DOCK8: variants seen among roughly 807,000 people sequenced by gnomAD.
DOCK8 encodes the protein dedicator of cytokinesis protein 8.
A neutral mutation model predicts 245.6 loss-of-function variants in DOCK8; 141 were observed. The observed-to-expected ratio is 0.57, with a 90% confidence interval of 0.50 to 0.66. The LOEUF (loss-of-function observed/expected upper bound fraction) is 0.66, where lower values mean the gene tolerates loss of function less well. Among genes scored for constraint, DOCK8 ranks in the 30% least tolerant of loss-of-function variants. The pLI, the probability that DOCK8 is intolerant of heterozygous loss-of-function variation, is 0.00. For synonymous variants in DOCK8, 1,168 were observed against 970.2 expected (o/e 1.20, Z -3.79); for missense variants, 2,965 against 2,603.4 (o/e 1.14, Z -3.02).
At position 400,905 on chromosome 9, in the gene DOCK8, C is replaced by G. The variant is rs1346821667; in HGVS notation, c.3234+1646C>G. Among the ~76,000 whole-genome samples the G allele has an allele frequency of 1.5e-4, 16 of 104,574 alleles. 3 individuals carry two copies. Among genetic ancestry groups the G allele is most frequent in the Middle Eastern group, 5.4e-3 (1 of 186 alleles). 68.6% of individuals were successfully genotyped at this position (104,574 alleles called of 152,430 possible). On this transcript the variant is annotated intron_variant, in intron 26 of 47. Coordinates refer to ENST00000432829, the MANE Select transcript of DOCK8 (RefSeq NM_203447.4). ...TCCACCACCACCACCTCCCCCACTA[C>G]CAACAGCTCCTTCACCATCACCACA...
chr9:311,337 G>A (rs911127257), intron 5 of DOCK8, among the ~76,000 whole-genome samples: 3 of 149,558 alleles, frequency 2.0e-5, no homozygotes, highest in African/African-American at 7.3e-5. Flanking sequence ...ACTCCTGGGC[G>A]GGGTTCAAGC....
Position 420,417 on chromosome 9 carries a change from A to T in DOCK8, c.3857A>T (p.Asn1286Ile). 1 of 1,614,130 alleles carries T rather than the reference A, an allele frequency of 6.2e-7. No homozygotes were observed. The highest frequency in any genetic ancestry group is 8.5e-7 in the Non-Finnish European group (1 of 1,180,026). Residue 1286 changes from asparagine to isoleucine, a missense_variant, in exon 31 of 48, where the codon AAC becomes ATC. Coordinates refer to ENST00000432829, the MANE Select transcript of DOCK8 (RefSeq NM_203447.4). ...VLSSLPYKQY[N>I]MLNADTTRNL... The stretch of plus-strand genomic sequence containing the variant: ...TCCCTTCAGCCCTATAAGCAGTACA[A>T]CATGCTGAACGCGGACACTACTCGC...
intron 26 of DOCK8, among the ~76,000 whole-genome samples, chr9:400,988 T>TTCACCATCACCACCATCACCACCATCA (rs1564017131): frequency 1.0e-5 from 1 of 96,312 alleles, no homozygotes; most frequent in East Asian, 3.4e-4. Context: ...CACCACCTCC[T>TTCACCATCACCACCATCACCACCATCA]CCACCACCAC....
intron 14 of DOCK8, among the ~76,000 whole-genome samples, chr9:340,984 G>A (rs989206146): frequency 1.3e-5 from 2 of 152,136 alleles, no homozygotes; most frequent in African/African-American, 4.8e-5. Context: ...GTTGTCAAAA[G>A]GACAGGTTTT....
chr9:463,772 C>G (rs1200472763), intron 47 of DOCK8, 85 bp downstream of exon 47: 3 of 1,521,682 alleles, frequency 2.0e-6, no homozygotes, highest in Non-Finnish European at 2.7e-6. Flanking sequence ...CTCTGCTGCA[C>G]TTGGGGAGCT....
At chr9:276,965 C>T in intron 2 of DOCK8, 1 of 340,502 alleles carries the variant, frequency 2.9e-6, no homozygotes, top group Non-Finnish European at 6.1e-6. Context: ...CACCATTGCG[C>T]CTGGCTAATT....
intron 40 of DOCK8, among the ~76,000 whole-genome samples, chr9:440,134 T>G (rs2057046369): frequency 6.6e-6 from 1 of 152,138 alleles, no homozygotes; most frequent in African/African-American, 2.4e-5. Flanking sequence ...CTCTCCTGCC[T>G]CAGCCTCATG....
At chr9:255,970 T>C (rs1248497091) in intron 1 of DOCK8, among the ~76,000 whole-genome samples, 1 of 152,190 alleles carries the variant, frequency 6.6e-6, no homozygotes, top group Non-Finnish European at 1.5e-5. Context: ...ATCCTAATAG[T>C]TGTCATCTTG....
intron 28 of DOCK8, among the ~76,000 whole-genome samples, chr9:413,628 T>TA (rs937277727): frequency 1.3e-5 from 2 of 152,204 alleles, no homozygotes; most frequent in African/African-American, 4.8e-5. Flanking sequence ...CCAAAGAAGA[T>TA]ACAGCCATAA....
intron 1 of DOCK8, chr9:215,726 A>C (rs1360617177): frequency 7.2e-6 from 2 of 278,324 alleles, no homozygotes; most frequent in African/African-American, 4.4e-5. Context: ...TCACCATCCA[A>C]TTCCTAATCA....
intron 26 of DOCK8, among the ~76,000 whole-genome samples, chr9:403,935 T>TATATATATATAC (rs2055267374): frequency 1.2e-5 from 1 of 85,510 alleles, no homozygotes; most frequent in African/African-American, 7.4e-5. Context: ...TATATGTGTA[T>TATATATATATAC]ATATATATGT....
chr9:246,816 A>T lies in DOCK8; in HGVS notation c.54-24811A>T, dbSNP rs141530404. ...TTTATTTTAGAGATGAAGTCTTGCA[A>T]TGTTGCCCAGGCTGGCCTAGAATTC... On this transcript the variant is annotated intron_variant, in intron 1 of 47. Coordinates refer to ENST00000432829, the MANE Select transcript of DOCK8 (RefSeq NM_203447.4). Among the ~76,000 whole-genome samples the T allele has an allele frequency of 2.6e-5, 4 of 151,982 alleles. No homozygotes were observed. In the South Asian group the frequency reaches 6.2e-4, roughly 24 times the overall value.
chr9:340,723 T>C (rs1303722728), intron 14 of DOCK8: 3 of 192,314 alleles, frequency 1.6e-5, no homozygotes, highest in East Asian at 1.3e-4. Context: ...CCTGTCTTCC[T>C]ACTTCCTAAG....
At chr9:228,834 A>G (rs977237566) in intron 1 of DOCK8, among the ~76,000 whole-genome samples, 3 of 152,130 alleles carry the variant, frequency 2.0e-5, no homozygotes, top group Non-Finnish European at 2.9e-5. Flanking sequence ...AGACATTCAC[A>G]TGGCTGCCAT....
intron 12 of DOCK8, 109 bp downstream of exon 12, chr9:336,827 C>G (rs1411632285): frequency 6.8e-6 from 9 of 1,318,288 alleles, no homozygotes; most frequent in Non-Finnish European, 1.1e-6. Flanking sequence ...TAGTTAAGCT[C>G]ACTCTCTTAG....
chr9:227,037 T>TA (rs1399981563), intron 1 of DOCK8, among the ~76,000 whole-genome samples: 1 of 152,178 alleles, frequency 6.6e-6, no homozygotes, highest in Admixed American at 6.5e-5. Flanking sequence ...CAGAAGGACA[T>TA]ACGCCAATAT....
At chr9:330,081 C>A (rs900041247) in intron 9 of DOCK8, among the ~76,000 whole-genome samples, 1 of 152,088 alleles carries the variant, frequency 6.6e-6, no homozygotes, top group African/African-American at 2.4e-5. Flanking sequence ...TTTATATTCC[C>A]AGGCCGAACA....
chr9:302,784 A>T (rs778268659), intron 4 of DOCK8, among the ~76,000 whole-genome samples: 1 of 152,170 alleles, frequency 6.6e-6, no homozygotes, highest in African/African-American at 2.4e-5. Context: ...ATACAAATCA[A>T]AACCACAGTG....
intron 1 of DOCK8, among the ~76,000 whole-genome samples, chr9:250,229 T>G (rs2047614796): frequency 6.6e-6 from 1 of 152,212 alleles, no homozygotes; most frequent in African/African-American, 2.4e-5. Flanking sequence ...TGGCCAAGGC[T>G]CATGTGCTAC....
Sources: gnomAD v4.1 joint callset for allele counts (sites outside exome capture counted in the v4.1 genomes callset) on GRCh38, gnomAD v4.1.1 for gene constraint, MANE v1.5 for transcripts, NCBI Gene and HGNC (gene_info 2026-07-23, HGNC 2026-07-21) for gene names.